The following LOXL2 variants were observed in gnomAD, a reference collection of about 807,000 sequenced individuals.
LOXL2 encodes lysyl oxidase like 2.
In LOXL2, 70 loss-of-function variants were observed where a neutral mutation model predicts 93.0. The ratio of observed to expected loss-of-function variants is 0.75; its 90% confidence interval spans 0.62 to 0.92. The LOEUF (loss-of-function observed/expected upper bound fraction) is 0.92. Among genes scored for constraint, LOXL2 ranks in the 40% least tolerant of loss-of-function variants. The pLI is 0.00. For synonymous variants in LOXL2, 438 were observed against 413.2 expected (o/e 1.06, Z -0.73); for missense variants, 973 against 1,054.9 (o/e 0.92, Z 1.08).
intron 1 of LOXL2, among the ~76,000 whole-genome samples, chr8:23,381,533 G>C (rs1804680864): frequency 6.6e-6 from 1 of 152,146 alleles, no homozygotes; most frequent in East Asian, 1.9e-4. Context: ...AGGGTATTTT[G>C]TTTTAACAAG....
chr8:23,375,944 T>C (rs1804580409), intron 1 of LOXL2, among the ~76,000 whole-genome samples: 1 of 152,216 alleles, frequency 6.6e-6, no homozygotes, highest in Non-Finnish European at 1.5e-5. Context: ...TTCTCCTGCC[T>C]GATTGCCCTG....
At chr8:23,348,906 C>A (rs1804042092) in intron 3 of LOXL2, among the ~76,000 whole-genome samples, 1 of 151,886 alleles carries the variant, frequency 6.6e-6, no homozygotes, top group Non-Finnish European at 1.5e-5. Flanking sequence ...AACAAAAAAA[C>A]AACAACAGTG....
chr8:23,385,253 T>C (rs1037322401), intron 1 of LOXL2, among the ~76,000 whole-genome samples: 2 of 150,584 alleles, frequency 1.3e-5, no homozygotes, highest in African/African-American at 2.4e-5. Context: ...TCTTTTTTTT[T>C]TTTTTTTTGA....
At chr8:23,392,909 A>C (rs1183961715) in intron 1 of LOXL2, among the ~76,000 whole-genome samples, 1 of 152,236 alleles carries the variant, frequency 6.6e-6, no homozygotes, top group African/African-American at 2.4e-5. Flanking sequence ...CTGTATTTCT[A>C]TACAGTCACA....
intron 3 of LOXL2, 72 bp from the exon 4 acceptor site, chr8:23,341,275 ACTT>A (rs2117181542): frequency 7.8e-7 from 1 of 1,274,240 alleles, no homozygotes; most frequent in South Asian, 1.2e-5. Flanking sequence ...GGCAACCAGT[ACTT>A]CTTTAGCGAC....
intron 1 of LOXL2, among the ~76,000 whole-genome samples, chr8:23,381,820 G>A (rs1340216241): frequency 6.6e-6 from 1 of 152,246 alleles, no homozygotes; most frequent in African/African-American, 2.4e-5. Context: ...CACCAATGTT[G>A]TCCCCTCTCT....
chr8:23,308,974 A>ATG (rs1376055449), intron 10 of LOXL2, among the ~76,000 whole-genome samples: 1 of 143,638 alleles, frequency 7.0e-6, no homozygotes, highest in African/African-American at 2.7e-5. Context: ...TACGTGGAAT[A>ATG]TATATATATA....
chr8:23,336,799 T>C (rs898044664), intron 4 of LOXL2: 1 of 152,052 alleles, frequency 6.6e-6, no homozygotes, highest in African/African-American at 2.4e-5. Context: ...TCAGAACCAG[T>C]GGCCAGTAGT....
intron 11 of LOXL2, among the ~76,000 whole-genome samples, chr8:23,302,400 A>G (rs1290360868): frequency 2.0e-5 from 3 of 152,040 alleles, no homozygotes; most frequent in Non-Finnish European, 4.4e-5. Flanking sequence ...GCCCTCCCTG[A>G]CCACTCTGAT....
intron 9 of LOXL2, among the ~76,000 whole-genome samples, chr8:23,314,024 C>CA (rs1803355246): frequency 7.1e-6 from 1 of 140,880 alleles, no homozygotes; most frequent in African/African-American, 2.6e-5. Context: ...TTTATGCAGC[C>CA]AAAAAACACA....
At chr8:23,320,244 C>T (rs1199515190) in intron 7 of LOXL2, among the ~76,000 whole-genome samples, 192 bp from the exon 8 acceptor site, 1 of 152,200 alleles carries the variant, frequency 6.6e-6, no homozygotes, top group Non-Finnish European at 1.5e-5. Context: ...GAGGTCCCCA[C>T]CCCAGGCACC....
intron 13 of LOXL2, among the ~76,000 whole-genome samples, chr8:23,298,496 AG>A (rs1803075635): frequency 6.6e-6 from 1 of 152,234 alleles, no homozygotes; most frequent in Non-Finnish European, 1.5e-5. Flanking sequence ...AGCTCTCGAC[AG>A]AAAAACCTGA....
At chr8:23,364,777 G>A (rs1309356140) in intron 2 of LOXL2, 1 of 152,262 alleles carries the variant, frequency 6.6e-6, no homozygotes, top group Non-Finnish European at 1.5e-5. Context: ...GGGAGGCGAA[G>A]GTTGCAGTGA....
At chr8:23,399,312 A>G (rs1262289089) in intron 1 of LOXL2, among the ~76,000 whole-genome samples, 1 of 152,210 alleles carries the variant, frequency 6.6e-6, no homozygotes, top group Middle Eastern at 3.2e-3. Flanking sequence ...GGGAAATCAT[A>G]TCTCCTGCTG....
Position 23,385,413 on chromosome 8 carries a change from A to ATTT in LOXL2, c.-83-16982_-83-16980dup, listed in dbSNP as rs201661064. ...AGGCACACACCACCACACCCAGCTA[A>ATTT]TTTTTTTTTTTTTTTTTGGTATTTT... On this transcript the variant is annotated intron_variant, in intron 1 of 13. Transcript: ENST00000389131. Among the ~76,000 whole-genome samples, 343 of 136,310 alleles carry ATTT rather than the reference A, an allele frequency of 2.5e-3. 3 individuals carry two copies. The highest frequency in any genetic ancestry group is 8.9e-3 in the African/African-American group (323 of 36,394). The allele number at this position is 136,310 out of a possible 152,430, so 89.4% of individuals were successfully genotyped here.
Position 23,297,874 on chromosome 8 carries a change from T to C in LOXL2, c.*169A>G, listed in dbSNP as rs887399016. ...TCAGGTAGCAGCCCCCCATGAATGA[T>C]GGGAGGGTCCCTTTCCTCCTGAGCT... On this transcript the variant is annotated 3_prime_UTR_variant, in exon 14 of 14. Transcript: ENST00000389131. The C allele has an allele frequency of 6.8e-6, 4 of 584,368 alleles. No homozygotes were observed. Among genetic ancestry groups the C allele is most frequent in the African/African-American group, 5.6e-5 (3 of 53,386 alleles). The allele number at this position is 584,368 out of a possible 1,614,324, so 36.2% of individuals were successfully genotyped here.
chr8:23,395,614 C>T (rs1050752787), intron 1 of LOXL2, among the ~76,000 whole-genome samples: 2 of 152,134 alleles, frequency 1.3e-5, no homozygotes, highest in African/African-American at 2.4e-5. Context: ...GAATCTACTT[C>T]GATGACACTT....
chr8:23,318,775 T>C (rs1237855763), intron 8 of LOXL2, among the ~76,000 whole-genome samples: 1 of 152,208 alleles, frequency 6.6e-6, no homozygotes, highest in African/African-American at 2.4e-5. Context: ...GCAGAAACAC[T>C]GCGTTGCCTG....
chr8:23,384,556 T>G (rs1804729051), intron 1 of LOXL2, among the ~76,000 whole-genome samples: 1 of 152,122 alleles, frequency 6.6e-6, no homozygotes, highest in Non-Finnish European at 1.5e-5. Context: ...TGGACAGACT[T>G]CATTCCCTAT....
Sources: gnomAD v4.1 joint callset for allele counts (sites outside exome capture counted in the v4.1 genomes callset) on GRCh38, gnomAD v4.1.1 for gene constraint, MANE v1.5 for transcripts, NCBI Gene and HGNC (gene_info 2026-07-23, HGNC 2026-07-21) for gene names.